Variants in C13orf42 observed in about 807,000 individuals in gnomAD.
C13orf42 encodes the protein uncharacterized protein C13orf42.
chr13:51,114,651 T>TAGAGATAGAC (rs1555266732), upstream of C13orf42, among the ~76,000 whole-genome samples: 10 of 142,376 alleles, frequency 7.0e-5, no homozygotes, highest in Non-Finnish European at 9.5e-5. Context: ...TAGATAGAGA[T>TAGAGATAGAC]AGACAGACAG....
chr13:51,086,338 A>C (rs182511284), intron 2 of C13orf42, among the ~76,000 whole-genome samples: 95 of 152,048 alleles, frequency 6.2e-4, no homozygotes, highest in East Asian at 2.1e-3. Flanking sequence ...AAAAAAAAAA[A>C]CAAGAAGACA....
chr13:51,118,625 C>T (rs1221587230), intron 1 of C13orf42, among the ~76,000 whole-genome samples: 2 of 152,162 alleles, frequency 1.3e-5, no homozygotes, highest in African/African-American at 2.4e-5. Context: ...CTGCTTTCAT[C>T]GATGAGAAGT....
chr13:51,126,059 T>C (rs1566133582), intron 1 of C13orf42, among the ~76,000 whole-genome samples: 1 of 152,228 alleles, frequency 6.6e-6, no homozygotes, highest in Non-Finnish European at 1.5e-5. Context: ...TTAGTGAATG[T>C]ATGCAAATTT....
intron 1 of C13orf42, among the ~76,000 whole-genome samples, chr13:51,104,985 C>T (rs901104852): frequency 7.2e-5 from 11 of 152,282 alleles, no homozygotes; most frequent in South Asian, 2.1e-4. Context: ...AGGGAGCAAT[C>T]GGCTGTCTAA....
At chr13:51,156,855 C>CAG (rs951630268) in intron 1 of C13orf42, among the ~76,000 whole-genome samples, 26 of 152,326 alleles carry the variant, frequency 1.7e-4, no homozygotes, top group African/African-American at 6.3e-4. Flanking sequence ...TCATTCAGGC[C>CAG]AGTTCACTCT....
chr13:51,098,131 T>C (rs1383384738), intron 1 of C13orf42, among the ~76,000 whole-genome samples: 1 of 152,166 alleles, frequency 6.6e-6, no homozygotes, highest in Non-Finnish European at 1.5e-5. Context: ...TCTAATTTTA[T>C]ATTATTTATC....
At chr13:51,084,437 G>T in intron 3 of C13orf42, 112 bp from the exon 4 acceptor site, 1 of 396,802 alleles carries the variant, frequency 2.5e-6, no homozygotes, top group East Asian at 3.6e-5. Flanking sequence ...TGCTGCCCTA[G>T]TCCTGGGTCT....
At chr13:51,087,495 T>C (rs1020429113) in intron 2 of C13orf42, among the ~76,000 whole-genome samples, 1 of 152,226 alleles carries the variant, frequency 6.6e-6, no homozygotes, top group African/African-American at 2.4e-5. Context: ...ATTCACGTTG[T>C]TTTGCAAGCG....
chr13:51,140,439 T>C (rs1953687510), intron 1 of C13orf42, among the ~76,000 whole-genome samples: 2 of 152,118 alleles, frequency 1.3e-5, no homozygotes, highest in Non-Finnish European at 2.9e-5. Context: ...TGTCTTGAAT[T>C]TTCGGGGTTC....
intron 2 of C13orf42, among the ~76,000 whole-genome samples, chr13:51,087,054 TA>T (rs780513522): frequency 2.8e-4 from 43 of 152,236 alleles, no homozygotes; most frequent in Admixed American, 1.2e-3. Context: ...AACCTTAGTA[TA>T]AGGGGCCAGT....
At chr13:51,088,157 C>T (rs980061308) in intron 1 of C13orf42, 82 bp from the exon 2 acceptor site, 6 of 397,022 alleles carry the variant, frequency 1.5e-5, no homozygotes, top group Admixed American at 4.4e-5. Context: ...GTTGCTAAAA[C>T]GAAATGCGCG....
intron 1 of C13orf42, among the ~76,000 whole-genome samples, chr13:51,100,545 G>A (rs967570887): frequency 5.3e-5 from 8 of 151,992 alleles, no homozygotes; most frequent in African/African-American, 1.5e-4. Context: ...TTTTTATGAC[G>A]ATAAAAAAGG....
intron 1 of C13orf42, among the ~76,000 whole-genome samples, chr13:51,164,465 C>T (rs1283719745): frequency 6.6e-6 from 1 of 152,120 alleles, no homozygotes; most frequent in African/African-American, 2.4e-5. Context: ...AGTTCAAGAC[C>T]AGCCTAGGCA....
At chr13:51,163,548 T>G (rs749769266) in intron 1 of C13orf42, among the ~76,000 whole-genome samples, 1 of 152,148 alleles carries the variant, frequency 6.6e-6, no homozygotes, top group African/African-American at 2.4e-5. Context: ...GCAGTTTCTA[T>G]AGTATTTTCA....
intron 1 of C13orf42, among the ~76,000 whole-genome samples, chr13:51,149,169 A>G (rs1325396603): frequency 6.6e-6 from 1 of 152,174 alleles, no homozygotes; most frequent in Non-Finnish European, 1.5e-5. Context: ...TTTTCCCACT[A>G]GATGGGGTTC....
At chr13:51,167,121 C>G (rs1048173597) in intron 1 of C13orf42, among the ~76,000 whole-genome samples, 1 of 151,970 alleles carries the variant, frequency 6.6e-6, no homozygotes, top group Admixed American at 6.6e-5. Flanking sequence ...TATGAAACAC[C>G]TGATGGCCAA....
intron 1 of C13orf42, among the ~76,000 whole-genome samples, chr13:51,145,410 T>C (rs1005440458): frequency 1.3e-5 from 2 of 152,192 alleles, no homozygotes; most frequent in Non-Finnish European, 2.9e-5. Flanking sequence ...TGAGACTTCA[T>C]AACCTGCTAA....
chr13:51,169,823 G>A (rs1257248587), intron 1 of C13orf42, among the ~76,000 whole-genome samples: 1 of 152,218 alleles, frequency 6.6e-6, no homozygotes, highest in Non-Finnish European at 1.5e-5. Flanking sequence ...AGGATGTGTG[G>A]AAATCCTTGA....
chr13:51,106,194 T>C (rs1452578420), intron 1 of C13orf42, among the ~76,000 whole-genome samples: 1 of 152,172 alleles, frequency 6.6e-6, no homozygotes. Context: ...CCACGGATTG[T>C]GGAAAGAAAA....
Sources: allele counts gnomAD v4.1 joint callset (sites outside exome capture counted in the v4.1 genomes callset), GRCh38; gene constraint gnomAD v4.1.1; transcripts MANE v1.5; gene names NCBI Gene and HGNC (gene_info 2026-07-23, HGNC 2026-07-21).